SLC27A2: variants seen among roughly 807,000 people sequenced by gnomAD.
SLC27A2 encodes the protein solute carrier family 27 member 2, also known as long-chain fatty acid transport protein 2.
Under a neutral mutation model 60.0 loss-of-function variants are expected in SLC27A2, and 54 were observed. That is an observed-to-expected ratio of 0.90 (90% CI 0.72 to 1.13). SLC27A2 has a LOEUF of 1.13. SLC27A2 is among the 50% of genes most tolerant of loss of function. SLC27A2 has a pLI of 0.00. For synonymous variants in SLC27A2, 297 were observed against 297.6 expected (o/e 1.00, Z 0.02); for missense variants, 739 against 777.6 (o/e 0.95, Z 0.59).
At position 50,224,831 on chromosome 15, in the gene SLC27A2, C is replaced by T. The variant is rs559952407; in HGVS notation, c.1168-1157C>T. Among the ~76,000 whole-genome samples the T allele has an allele frequency of 2.7e-4, 41 of 152,358 alleles. No individual in the cohort carries two copies. The South Asian group carries it at 8.5e-3, about 32-fold the overall frequency. ...CAATGCAGACAGAGAATATTTCCAT[C>T]ATCACAGCAGATTCCTGGGCAGTGC... is the stretch of plus-strand genomic sequence containing the variant. On this transcript the variant is annotated intron_variant, in intron 5 of 9. Coordinates refer to ENST00000267842, the MANE Select transcript of SLC27A2 (RefSeq NM_003645.4).
At position 50,226,197 on chromosome 15, in the gene SLC27A2, T is replaced by G. The variant is rs1391505060; in HGVS notation, c.1258+119T>G. The G allele has an allele frequency of 4.7e-6, 3 of 642,196 alleles. No homozygotes were observed. The Admixed American group carries it at 7.5e-5, about 16-fold the overall frequency. 39.8% of individuals were successfully genotyped at this position (642,196 alleles called of 1,614,324 possible). A position where few individuals can be genotyped will look rare whatever the true frequency, so the allele number is the denominator to read the frequency against. Reference sequence around the variant, plus strand: ...TTATCAGAGTGGGGAAAAGGGGGGTTTATTTAAGTACCCTCCAATATACAG... The same window carrying G: ...TTATCAGAGTGGGGAAAAGGGGGGTGTATTTAAGTACCCTCCAATATACAG... On this transcript the variant is annotated intron_variant, in intron 6 of 9. Coordinates refer to ENST00000267842, the MANE Select transcript of SLC27A2 (RefSeq NM_003645.4).
chr15:50,233,782 ATGT>A (rs1384269974), intron 8 of SLC27A2, 83 bp from the exon 9 acceptor site: 1 of 1,229,806 alleles, frequency 8.1e-7, no homozygotes, highest in African/African-American at 1.5e-5. Context: ...CATGCTATAA[ATGT>A]TGTCTGAGCC....
At chr15:50,225,877 A>G (rs998353209) in intron 5 of SLC27A2, 111 bp from the exon 6 acceptor site, 7 of 675,432 alleles carry the variant, frequency 1.0e-5, no homozygotes, top group Admixed American at 5.6e-5. Flanking sequence ...GGTATATGCA[A>G]ATGCAAAATT....
rs111238256 is a variant in SLC27A2 at position 50,236,384 on chromosome 15, G to A, written c.*288G>A. 7.4e-5 allele frequency: 19 copies of A among 257,654 alleles called. 1 individual carries two copies. The highest frequency in any genetic ancestry group is 3.8e-4 in the African/African-American group (17 of 45,124). 16.0% of individuals were successfully genotyped at this position (257,654 alleles called of 1,614,324 possible). A position where few individuals can be genotyped will look rare whatever the true frequency, so the allele number is the denominator to read the frequency against. The stretch of plus-strand genomic sequence containing the variant: ...GTAAATTAAATGAACACCAACATGT[G>A]AGATGGCACTGTCTCTGTGTTCTTT... On this transcript the variant is annotated 3_prime_UTR_variant, in exon 10 of 10. Transcript: ENST00000267842.
rs778945533 is a variant in SLC27A2, at chr15:50,227,173, A to C, written c.1452A>C (p.Thr484=). 4 of 1,613,394 alleles carry C rather than the reference A, an allele frequency of 2.5e-6. No individual in the cohort carries two copies. In the South Asian group the frequency reaches 4.4e-5, roughly 18 times the overall value. ...FIYFHDRVGD[T]FRWKGENVAT... is the part of the protein sequence containing the mutation. The stretch of plus-strand genomic sequence containing the variant: ...ATTTCCACGACAGAGTTGGAGATAC[A>C]TTCCGGTTGGTTTTTCTGAATCATT... Residue 484 remains threonine, a synonymous_variant, in exon 7 of 10, where the codon ACA becomes ACC. Coordinates refer to ENST00000267842, the MANE Select transcript of SLC27A2 (RefSeq NM_003645.4).
At chr15:50,197,381 T>C (rs1242215634) in intron 1 of SLC27A2, 119 bp from the exon 2 acceptor site, 2 of 648,040 alleles carry the variant, frequency 3.1e-6, no homozygotes, top group African/African-American at 1.8e-5. Context: ...TCATTTGTCA[T>C]GCCCACACAT....
intron 4 of SLC27A2, among the ~76,000 whole-genome samples, chr15:50,220,024 G>C (rs2045231938): frequency 6.6e-6 from 1 of 152,202 alleles, no homozygotes; most frequent in African/African-American, 2.4e-5. Flanking sequence ...GTGAGCAAAA[G>C]CTTAGGTGAG....
At chr15:50,194,882 G>C (rs372055832) in intron 1 of SLC27A2, among the ~76,000 whole-genome samples, 3 of 152,254 alleles carry the variant, frequency 2.0e-5, no homozygotes, top group South Asian at 2.1e-4. Context: ...TACAATTATA[G>C]TACTTTACTT....
intron 4 of SLC27A2, among the ~76,000 whole-genome samples, chr15:50,209,776 C>T (rs2045140183): frequency 6.6e-6 from 1 of 152,130 alleles, no homozygotes; most frequent in Non-Finnish European, 1.5e-5. Context: ...TTATTAAGAA[C>T]AGGGACTCTG....
At chr15:50,203,508 A>G (rs2045082812) in intron 3 of SLC27A2, among the ~76,000 whole-genome samples, 1 of 152,186 alleles carries the variant, frequency 6.6e-6, no homozygotes, top group Non-Finnish European at 1.5e-5. Flanking sequence ...AAAGTTCAAT[A>G]GCCAACTCTT....
chr15:50,182,225 A>AACCCCCGG lies in SLC27A2; in HGVS notation c.-203_-202insACCCCCGG. The AACCCCCGG allele has an allele frequency of 1.3e-6, 1 of 782,348 alleles. No individual in the cohort carries two copies. Among genetic ancestry groups the AACCCCCGG allele is most frequent in the African/African-American group, 1.8e-5 (1 of 54,724 alleles). The allele number at this position is 782,348 out of a possible 1,614,324, so 48.5% of individuals were successfully genotyped here. A position where few individuals can be genotyped will look rare whatever the true frequency, so the allele number is the denominator to read the frequency against. On this transcript the variant is annotated 5_prime_UTR_variant, in exon 1 of 10. Transcript: ENST00000267842. ...CTGCCCGGAACCCCCGGCAACGCGC[A>AACCCCCGG]TACGACTACACCTGCTCCGGAGCCC...
At chr15:50,196,315 A>G (rs954398275) in intron 1 of SLC27A2, among the ~76,000 whole-genome samples, 3 of 151,378 alleles carry the variant, frequency 2.0e-5, no homozygotes, top group Non-Finnish European at 2.9e-5. Flanking sequence ...GTACCCACAC[A>G]CCCACATAAC....
intron 9 of SLC27A2, 122 bp downstream of exon 9, chr15:50,234,120 A>T: frequency 1.0e-6 from 1 of 965,722 alleles, no homozygotes; most frequent in Non-Finnish European, 1.5e-6. Flanking sequence ...CTTTCCAGGA[A>T]GCTCAGAAAA....
chr15:50,192,073 A>AT (rs1191732075), intron 1 of SLC27A2, among the ~76,000 whole-genome samples: 1 of 151,976 alleles, frequency 6.6e-6, no homozygotes, highest in Non-Finnish European at 1.5e-5. Context: ...AAAAAAAAAA[A>AT]GAAAAAAGAA....
chr15:50,225,703 G>T (rs990057330), intron 5 of SLC27A2, among the ~76,000 whole-genome samples: 1 of 152,186 alleles, frequency 6.6e-6, no homozygotes, highest in African/African-American at 2.4e-5. Flanking sequence ...TTTAGTGAAA[G>T]AAGCAGACAC....
intron 4 of SLC27A2, among the ~76,000 whole-genome samples, chr15:50,211,060 C>G (rs1159881070): frequency 6.6e-6 from 1 of 152,190 alleles, no homozygotes; most frequent in Non-Finnish European, 1.5e-5. Flanking sequence ...ACCTTGGTAT[C>G]AGAGGACAAA....
chr15:50,225,149 T>A (rs2045270382), intron 5 of SLC27A2, among the ~76,000 whole-genome samples: 1 of 152,244 alleles, frequency 6.6e-6, no homozygotes, highest in Admixed American at 6.5e-5. Flanking sequence ...AAGTACTAGC[T>A]GTCTGCTAAT....
chr15:50,227,702 T>C (rs1272696834), intron 7 of SLC27A2, among the ~76,000 whole-genome samples: 1 of 152,140 alleles, frequency 6.6e-6, no homozygotes, highest in East Asian at 1.9e-4. Flanking sequence ...CTTCCAACCA[T>C]AGCACAGTCC....
chr15:50,203,635 T>TAC (rs978486584), intron 3 of SLC27A2, among the ~76,000 whole-genome samples: 3 of 152,194 alleles, frequency 2.0e-5, no homozygotes, highest in Non-Finnish European at 4.4e-5. Context: ...CATATGTATA[T>TAC]ACACACACAT....
Sources: allele counts gnomAD v4.1 joint callset (sites outside exome capture counted in the v4.1 genomes callset), GRCh38; gene constraint gnomAD v4.1.1; transcripts MANE v1.5; gene names NCBI Gene and HGNC (gene_info 2026-07-23, HGNC 2026-07-21).